Variants in AKAIN1 observed in about 807,000 individuals in gnomAD.
AKAIN1 encodes A-kinase anchor protein inhibitor 1.
In AKAIN1, 3 loss-of-function variants were observed where a neutral mutation model predicts 3.7. The ratio of observed to expected loss-of-function variants is 0.82; its 90% CI spans 0.37 to 2.12. The LOEUF (loss-of-function observed/expected upper bound fraction) is 2.12. AKAIN1 is among the 30% of genes most tolerant of loss of function. The pLI is 0.06. For missense variants in AKAIN1, 82 were observed against 82.7 expected, an observed-to-expected ratio of 0.99 and a Z score of 0.03; for synonymous variants, 31 against 30.8, an observed-to-expected ratio of 1.01 and a Z score of -0.02.
In AKAIN1 at chr18:5,192,997, A is replaced by AT. The variant is rs570170922; in HGVS notation, c.16+4040dup. Among the ~76,000 whole-genome samples the AT allele has an allele frequency of 3.7e-3, 562 of 152,294 alleles. 2 individuals carry two copies. Among genetic ancestry groups the AT allele is most frequent in the African/African-American group, 0.013 (526 of 41,560 alleles). ...TGAAAGACTATGCTAACAGAAAAGAATTTTTTTGTGTTGGCACATTGTAAA... is the reference window on the plus strand; with the variant it reads ...TGAAAGACTATGCTAACAGAAAAGAATTTTTTTTGTGTTGGCACATTGTAAA... On this transcript the variant is annotated intron_variant, in intron 1 of 1. Transcript: ENST00000434239.
chr18:5,171,257 A>T (rs2071196176), intron 1 of AKAIN1, among the ~76,000 whole-genome samples: 1 of 152,156 alleles, frequency 6.6e-6, no homozygotes. Context: ...GTAATTATCA[A>T]AAGAATGATT....
At chr18:5,188,817 A>T (rs2071302215) in intron 1 of AKAIN1, among the ~76,000 whole-genome samples, 1 of 152,108 alleles carries the variant, frequency 6.6e-6, no homozygotes, top group South Asian at 2.1e-4. Flanking sequence ...TCATTTTGTA[A>T]GCTCAGAGCT....
chr18:5,163,507 G>C (rs2071150958), intron 1 of AKAIN1, among the ~76,000 whole-genome samples: 1 of 152,016 alleles, frequency 6.6e-6, no homozygotes, highest in Non-Finnish European at 1.5e-5. Context: ...TTTTTGACTT[G>C]TTGAGAGATA....
intron 1 of AKAIN1, among the ~76,000 whole-genome samples, chr18:5,190,758 T>C (rs1344529134): frequency 6.6e-6 from 1 of 152,176 alleles, no homozygotes; most frequent in Non-Finnish European, 1.5e-5. Flanking sequence ...AACTTGCATA[T>C]GAATGCCTTC....
At chr18:5,196,150 C>G (rs984013006) in intron 1 of AKAIN1, among the ~76,000 whole-genome samples, 1 of 152,228 alleles carries the variant, frequency 6.6e-6, no homozygotes, top group Non-Finnish European at 1.5e-5. Flanking sequence ...GCCCCTCCAG[C>G]CTTCCCCACT....
chr18:5,148,143 T>C (rs951511492), intron 1 of AKAIN1, among the ~76,000 whole-genome samples: 2 of 152,196 alleles, frequency 1.3e-5, no homozygotes, highest in African/African-American at 4.8e-5. Flanking sequence ...TCCACCATTG[T>C]GTGTTAGGGA....
chr18:5,180,982 C>T (rs1273908008), intron 1 of AKAIN1, among the ~76,000 whole-genome samples: 1 of 151,886 alleles, frequency 6.6e-6, no homozygotes, highest in Non-Finnish European at 1.5e-5. Flanking sequence ...CAACACTTCT[C>T]TTAGTTTGAA....
Position 5,143,555 on chromosome 18 carries a change from G to C in AKAIN1, c.*2007C>G, listed in dbSNP as rs1248973045. On this transcript the variant is annotated 3_prime_UTR_variant, in exon 2 of 2. Transcript: ENST00000434239. Reference sequence around the variant, plus strand: ...TCACAGTGAAGGGCCCATTAAGGAAGCACTTCCCCTGGTCATGATATCTAG... The same window carrying C: ...TCACAGTGAAGGGCCCATTAAGGAACCACTTCCCCTGGTCATGATATCTAG... Among the ~76,000 whole-genome samples, 1 of 152,218 alleles carries C rather than the reference G, an allele frequency of 6.6e-6. No homozygotes were observed. Among genetic ancestry groups the C allele is most frequent in the Non-Finnish European group, 1.5e-5 (1 of 68,036 alleles).
At chr18:5,186,122 C>G (rs1263328414) in intron 1 of AKAIN1, among the ~76,000 whole-genome samples, 2 of 152,054 alleles carry the variant, frequency 1.3e-5, no homozygotes, top group Non-Finnish European at 2.9e-5. Context: ...AACACAGGAA[C>G]AGAAAACCAA....
At chr18:5,145,811 G>A (rs1248154419) in intron 1 of AKAIN1, 56 bp from the exon 2 acceptor site, 17 of 1,432,636 alleles carry the variant, frequency 1.2e-5, no homozygotes, top group Non-Finnish European at 1.6e-5. Context: ...TCAGGAATGT[G>A]AGAGGGAAAG....
At chr18:5,156,917 A>T (rs1254863192) in intron 1 of AKAIN1, among the ~76,000 whole-genome samples, 1 of 152,168 alleles carries the variant, frequency 6.6e-6, no homozygotes, top group Non-Finnish European at 1.5e-5. Flanking sequence ...GTGAAACTAG[A>T]AGCCTTCCTC....
At chr18:5,170,954 G>C (rs1344991163) in intron 1 of AKAIN1, 1 of 152,088 alleles carries the variant, frequency 6.6e-6, no homozygotes, top group Non-Finnish European at 1.5e-5. Context: ...ACCGGTCATG[G>C]GAGTGAACAA....
intron 1 of AKAIN1, among the ~76,000 whole-genome samples, chr18:5,154,806 A>C (rs1310229316): frequency 6.6e-6 from 1 of 152,140 alleles, no homozygotes; most frequent in Non-Finnish European, 1.5e-5. Context: ...CCAACAAAAC[A>C]ACCAACTAGC....
intron 1 of AKAIN1, among the ~76,000 whole-genome samples, chr18:5,182,172 T>G (rs2071262067): frequency 6.6e-6 from 1 of 152,162 alleles, no homozygotes; most frequent in Admixed American, 6.6e-5. Context: ...CCTAGCTTAT[T>G]GTAGCATTTT....
chr18:5,174,167 C>T (rs1455896505), intron 1 of AKAIN1, among the ~76,000 whole-genome samples: 1 of 152,060 alleles, frequency 6.6e-6, no homozygotes, highest in African/African-American at 2.4e-5. Flanking sequence ...TGGAGATGAC[C>T]CAGGCTGGTG....
chr18:5,159,185 T>C (rs2849229), intron 1 of AKAIN1: 6 of 151,078 alleles, frequency 4.0e-5, no homozygotes, highest in Admixed American at 1.3e-4. Flanking sequence ...TTTTTTTTTT[T>C]CCAGTGATAT....
rs189843010 is a variant in AKAIN1, at chr18:5,185,268, T to A, written c.16+11770A>T. Among the ~76,000 whole-genome samples the A allele has an allele frequency of 3.2e-3, 494 of 152,266 alleles. 3 individuals are homozygous for A. The highest frequency in any genetic ancestry group is 0.011 in the African/African-American group (473 of 41,564). On this transcript the variant is annotated intron_variant, in intron 1 of 1. Transcript: ENST00000434239. ...TGGAAAATAACCTTGGAAATACCAT[T>A]TGGGACATAGGCCCTGGCAAAGATT...
At chr18:5,160,509 T>C (rs1330020418) in intron 1 of AKAIN1, among the ~76,000 whole-genome samples, 2 of 152,156 alleles carry the variant, frequency 1.3e-5, no homozygotes, top group African/African-American at 2.4e-5. Context: ...TGGCCCTCTT[T>C]GTGGCTCAGA....
rs1555610619 is a variant in AKAIN1, at chr18:5,176,457, C to CAAACA, written c.16+20580_16+20581insTGTTT. On this transcript the variant is annotated intron_variant, in intron 1 of 1. Transcript: ENST00000434239. ...CCTGTCTCAAAAACAAACAAACAAA[C>CAAACA]AAAAAAAACAAACTGGTAAATAAAG... Among the ~76,000 whole-genome samples, 1,125 of 151,184 alleles carry CAAACA rather than the reference C, an allele frequency of 7.4e-3. 15 individuals carry two copies. The highest frequency in any genetic ancestry group is 0.024 in the African/African-American group (1,005 of 41,222).
Sources: allele counts gnomAD v4.1 joint callset (sites outside exome capture counted in the v4.1 genomes callset), GRCh38; gene constraint gnomAD v4.1.1; transcripts MANE v1.5; gene names NCBI Gene and HGNC (gene_info 2026-07-23, HGNC 2026-07-21).